Variants in HMCN1 observed in about 807,000 individuals in gnomAD.
HMCN1 encodes hemicentin-1.
A neutral mutation model predicts 625.9 loss-of-function variants in HMCN1; 321 were observed. That is an observed-to-expected ratio of 0.51 (90% confidence interval 0.47 to 0.56). The LOEUF (loss-of-function observed/expected upper bound fraction) is 0.56. Among genes scored for constraint, HMCN1 ranks in the 20% least tolerant of loss-of-function variants. The probability of loss-of-function intolerance (pLI) is 0.00; values close to 1 mark genes in which losing one functional copy is unlikely to be tolerated. For missense variants in HMCN1, 6,588 were observed against 6,887.3 expected (o/e 0.96, Z 1.54); for synonymous variants, 2,425 against 2,417.6 (o/e 1.00, Z -0.09).
At chr1:186,019,419 T>G in intron 34 of HMCN1, 122 bp from the exon 35 acceptor site, 1 of 746,230 alleles carries the variant, frequency 1.3e-6, no homozygotes, top group Non-Finnish European at 2.3e-6. Context: ...TATTTCATTG[T>G]TAAAATAGGG....
chr1:185,955,916 T>C (rs1213100930), intron 11 of HMCN1, among the ~76,000 whole-genome samples: 1 of 152,152 alleles, frequency 6.6e-6, no homozygotes, highest in Non-Finnish European at 1.5e-5. Flanking sequence ...CTCCAAATGT[T>C]ATCATTCTTA....
At chr1:185,957,301 TGTGA>T (rs750636109) in intron 11 of HMCN1, among the ~76,000 whole-genome samples, 2 of 152,282 alleles carry the variant, frequency 1.3e-5, no homozygotes, top group African/African-American at 2.4e-5. Flanking sequence ...AGAAACAAAA[TGTGA>T]GTGAGTTTTG....
intron 11 of HMCN1, among the ~76,000 whole-genome samples, chr1:185,940,963 T>C (rs1263641306): frequency 6.6e-6 from 1 of 152,188 alleles, no homozygotes; most frequent in African/African-American, 2.4e-5. Flanking sequence ...GGTTTCTCCA[T>C]GTTGGTCAGG....
At chr1:185,955,209 G>C (rs148507446) in intron 11 of HMCN1, among the ~76,000 whole-genome samples, 1 of 151,980 alleles carries the variant, frequency 6.6e-6, no homozygotes, top group Admixed American at 6.6e-5. Flanking sequence ...CTGGGCAACC[G>C]AGTGAATTTT....
chr1:186,150,691 A>C (rs1405081544), intron 93 of HMCN1, among the ~76,000 whole-genome samples: 1 of 152,168 alleles, frequency 6.6e-6, no homozygotes, highest in African/African-American at 2.4e-5. Context: ...ATAAAAGAAC[A>C]CAGGGTTTGA....
chr1:185,796,506 T>A (rs1571364450), intron 1 of HMCN1, among the ~76,000 whole-genome samples: 1 of 152,274 alleles, frequency 6.6e-6, no homozygotes, highest in African/African-American at 2.4e-5. Flanking sequence ...AGCTTCCGCT[T>A]ATAAGTGAGA....
At position 186,119,781 on chromosome 1, in the gene HMCN1, AC is replaced by A; in HGVS notation, c.11994del (p.His3998GlnfsTer4). 6.2e-7 allele frequency: 1 copy of A among 1,614,038 alleles called. No homozygotes were observed. Among genetic ancestry groups the A allele is most frequent in the African/African-American group, 1.3e-5 (1 of 75,018 alleles). Reference protein sequence around the residue: ...PVIQPQPSELHVILNNPILLP... With the variant: ...PVIQPQPSELXVILNNPILLP... ...ATTCAGCCCCAACCAAGTGAACTAC[AC>A]GTCATTCTGAACAATCCTATTTTAT... is the stretch of plus-strand genomic sequence containing the variant. On this transcript the variant is annotated frameshift_variant, in exon 79 of 107. Transcript: ENST00000271588. LOFTEE classifies it high-confidence loss of function.
chr1:185,801,352 T>C (rs1658781440), intron 1 of HMCN1, among the ~76,000 whole-genome samples: 1 of 152,166 alleles, frequency 6.6e-6, no homozygotes, highest in African/African-American at 2.4e-5. Flanking sequence ...TTCCACTTAT[T>C]TCATGAGATA....
At chr1:186,173,149 TAC>T (rs1652336800) in intron 102 of HMCN1, among the ~76,000 whole-genome samples, 2 of 152,198 alleles carry the variant, frequency 1.3e-5, no homozygotes, top group Admixed American at 6.5e-5. Flanking sequence ...GTAAAAATAG[TAC>T]AGTTTTTCTT....
intron 29 of HMCN1, among the ~76,000 whole-genome samples, chr1:186,005,965 G>A (rs1245995899): frequency 3.9e-5 from 6 of 151,982 alleles, no homozygotes; most frequent in South Asian, 2.1e-4. Flanking sequence ...GTGAAACTCC[G>A]TCTCTACTAA....
chr1:186,153,735 C>T lies in HMCN1; in HGVS notation c.15019-15C>T, dbSNP rs202151182. 56 of 1,605,774 alleles carry T rather than the reference C, an allele frequency of 3.5e-5. No homozygotes were observed. The highest frequency in any genetic ancestry group is 4.6e-5 in the Non-Finnish European group (54 of 1,172,580). The stretch of plus-strand genomic sequence containing the variant: ...TGAGCCATATTGATCTTCAAATCCA[C>T]ATTGTTCTCCTTAGGATTACACAGA... On this transcript the variant is annotated splice_polypyrimidine_tract_variant and intron_variant, in intron 96 of 106. Transcript: ENST00000271588.
At chr1:185,771,821 C>T (rs780467689) in intron 1 of HMCN1, among the ~76,000 whole-genome samples, 2 of 152,140 alleles carry the variant, frequency 1.3e-5, no homozygotes, top group Non-Finnish European at 2.9e-5. Context: ...CCTTTAGTAG[C>T]TCATGATCTC....
chr1:185,991,404 G>A (rs562218551), intron 22 of HMCN1, among the ~76,000 whole-genome samples: 3 of 152,076 alleles, frequency 2.0e-5, no homozygotes, highest in East Asian at 1.9e-4. Context: ...TTCCACAGTC[G>A]CAGTTTCTCC....
chr1:186,147,426 A>AT (rs2102563105), intron 93 of HMCN1, among the ~76,000 whole-genome samples: 1 of 142,760 alleles, frequency 7.0e-6, no homozygotes, highest in Admixed American at 7.1e-5. Flanking sequence ...TTTTTCTTTA[A>AT]TTCGTGGCAA....
Position 186,190,020 on chromosome 1 carries a change from G to C in HMCN1, c.*142G>C. On this transcript the variant is annotated 3_prime_UTR_variant, in exon 107 of 107. Coordinates refer to ENST00000271588, the MANE Select transcript of HMCN1 (RefSeq NM_031935.3). ...ACACTCTGTTTTGTGTGCCTTCCTT[G>C]GTACTTCTGAGGTATTTTCATGATC... 4 of 923,054 alleles carry C rather than the reference G, an allele frequency of 4.3e-6. No homozygotes were observed. The highest frequency in any genetic ancestry group is 7.0e-6 in the Non-Finnish European group (4 of 573,868). 57.2% of individuals were successfully genotyped at this position (923,054 alleles called of 1,614,324 possible).
intron 83 of HMCN1, among the ~76,000 whole-genome samples, chr1:186,129,100 TTGTTTTCTGAAAGTGCAGTACTAA>T (rs1205724727): frequency 2.0e-5 from 3 of 152,000 alleles, no homozygotes; most frequent in Non-Finnish European, 4.4e-5. Context: ...CTAATCTATA[TTGTTTTCTGAAAGTGCAGTACTAA>T]TGTTTTCTGA....
intron 1 of HMCN1, among the ~76,000 whole-genome samples, chr1:185,775,530 G>C (rs1306659543): frequency 1.3e-5 from 2 of 152,216 alleles, no homozygotes; most frequent in Non-Finnish European, 2.9e-5. Flanking sequence ...GGAAGTTCTA[G>C]GAGGTTGGTC....
At chr1:185,778,521 G>A (rs1388346748) in intron 1 of HMCN1, among the ~76,000 whole-genome samples, 31 of 116,506 alleles carry the variant, frequency 2.7e-4, no homozygotes, top group Non-Finnish European at 4.4e-4. Flanking sequence ...ACAGTCCCCA[G>A]TGTGTGGTGT....
At chr1:186,164,364 T>C (rs1651736766) in intron 97 of HMCN1, among the ~76,000 whole-genome samples, 1 of 151,638 alleles carries the variant, frequency 6.6e-6, no homozygotes, top group Admixed American at 6.6e-5. Context: ...CTCAGTCTCC[T>C]GAGTAGCTGG....
Sources: allele counts gnomAD v4.1 joint callset (sites outside exome capture counted in the v4.1 genomes callset), GRCh38; gene constraint gnomAD v4.1.1; transcripts MANE v1.5; gene names NCBI Gene and HGNC (gene_info 2026-07-23, HGNC 2026-07-21).